The following TIAM1 variants were observed in gnomAD, a reference collection of about 807,000 sequenced individuals.
TIAM1 encodes the protein TIAM Rac1 associated GEF 1, also known as rho guanine nucleotide exchange factor TIAM1.
TIAM1 carries 65 observed loss-of-function variants against 163.5 expected under a neutral mutation model. The ratio of observed to expected loss-of-function variants is 0.40; its 90% confidence interval spans 0.33 to 0.49. The LOEUF is 0.49. Among genes scored for constraint, TIAM1 ranks in the 20% least tolerant of loss-of-function variants. The pLI is 0.77. For missense variants in TIAM1, 1,789 were observed against 2,044.7 expected, an observed-to-expected ratio of 0.87 and a Z score of 2.41; for synonymous variants, 833 against 810.1, an observed-to-expected ratio of 1.03 and a Z score of -0.48.
chr21:31,472,229 A>T (rs4816397), intron 1 of TIAM1, among the ~76,000 whole-genome samples: 11 of 152,208 alleles, frequency 7.2e-5, no homozygotes, highest in Non-Finnish European at 1.3e-4. Context: ...AAACAAAGTT[A>T]TCAGAATAGT....
At chr21:31,415,364 C>A (rs2043335571) in intron 2 of TIAM1, among the ~76,000 whole-genome samples, 1 of 152,216 alleles carries the variant, frequency 6.6e-6, no homozygotes, top group Non-Finnish European at 1.5e-5. Context: ...TCTAAGCAAA[C>A]CCATTGAGTT....
intron 1 of TIAM1, among the ~76,000 whole-genome samples, chr21:31,470,638 C>G (rs1257505175): frequency 4.6e-5 from 7 of 152,190 alleles, no homozygotes; most frequent in Non-Finnish European, 1.0e-4. Flanking sequence ...TGGCTAAAAC[C>G]TCGAATTTTC....
rs188288490 is a variant in TIAM1, at chr21:31,395,217, A to G, written c.-368-55795T>C. On this transcript the variant is annotated intron_variant, in intron 2 of 28. Coordinates refer to the TIAM1 transcript ENST00000286827. The surrounding 1 kb of genome is among the most constrained non-coding windows in gnomAD (Gnocchi z 7.5). ...CGCGCCACCACACTCCAGCCTGGGC[A>G]ACAGAGTGAGACTCTGTCTCAAAAA... is the stretch of plus-strand genomic sequence containing the variant. Among the ~76,000 whole-genome samples the G allele has an allele frequency of 9.1e-3, 1,363 of 149,962 alleles. 20 individuals carry two copies. The highest frequency in any genetic ancestry group is 0.03 in the African/African-American group (1,251 of 41,074).
At chr21:31,475,117 T>A (rs951645038) in intron 1 of TIAM1, among the ~76,000 whole-genome samples, 1 of 151,600 alleles carries the variant, frequency 6.6e-6, no homozygotes, top group African/African-American at 2.4e-5. Flanking sequence ...AGTGGTTTGA[T>A]CACAGCTCAC....
intron 1 of TIAM1, among the ~76,000 whole-genome samples, chr21:31,487,973 C>T (rs1005458961): frequency 2.0e-5 from 3 of 151,844 alleles, no homozygotes; most frequent in East Asian, 1.9e-4. Flanking sequence ...ATTACAGGCA[C>T]GAGCCACTGC....
intron 2 of TIAM1, among the ~76,000 whole-genome samples, chr21:31,383,239 CA>C (rs964142647): frequency 5.5e-5 from 8 of 145,626 alleles, no homozygotes; most frequent in East Asian, 2.0e-4. Context: ...GACTCCCTCT[CA>C]AAAAAAAAAG....
chr21:31,183,946 TTTTA>T (rs1350037624), intron 14 of TIAM1, among the ~76,000 whole-genome samples: 1 of 148,348 alleles, frequency 6.7e-6, no homozygotes, highest in Non-Finnish European at 1.5e-5. Context: ...TTTTTAAAAT[TTTTA>T]TTTATTTATT....
intron 2 of TIAM1, among the ~76,000 whole-genome samples, chr21:31,446,341 A>G (rs958436888): frequency 3.3e-5 from 5 of 152,222 alleles, no homozygotes; most frequent in Non-Finnish European, 5.9e-5. Flanking sequence ...TAGGTATGTA[A>G]GTCCTGGCTA....
chr21:31,545,585 A>G (rs2076221063), intron 1 of TIAM1, among the ~76,000 whole-genome samples: 1 of 152,144 alleles, frequency 6.6e-6, no homozygotes, highest in Admixed American at 6.6e-5. Context: ...TGGATATAAG[A>G]CTAGTGTCTA....
At chr21:31,203,604 GCTCT>G (rs1211888682) in intron 11 of TIAM1, among the ~76,000 whole-genome samples, 6 of 152,210 alleles carry the variant, frequency 3.9e-5, no homozygotes, top group African/African-American at 9.7e-5. Flanking sequence ...GATTCATTGT[GCTCT>G]CTAACACTGG....
At chr21:31,185,540 C>A (rs2085254188) in intron 14 of TIAM1, among the ~76,000 whole-genome samples, 1 of 135,142 alleles carries the variant, frequency 7.4e-6, no homozygotes, top group African/African-American at 2.8e-5. Flanking sequence ...TATATTATGC[C>A]ATTATATATT....
At chr21:31,269,254 G>T (rs1174505324) in intron 3 of TIAM1, among the ~76,000 whole-genome samples, 2 of 152,218 alleles carry the variant, frequency 1.3e-5, no homozygotes, top group African/African-American at 4.8e-5. Context: ...ACGCTGATGG[G>T]TCTGTTATAT....
rs186091712 is a variant in TIAM1 at position 31,295,723 on chromosome 21, T to C, written c.-188-18815A>G. Among the ~76,000 whole-genome samples the C allele has an allele frequency of 8.5e-5, 13 of 152,228 alleles. No homozygotes were observed. In the East Asian group the frequency reaches 1.4e-3, roughly 16 times the overall value. On this transcript the variant is annotated intron_variant, in intron 2 of 27. Coordinates refer to ENST00000541036, the MANE Select transcript of TIAM1 (RefSeq NM_001353694.2). Reference sequence around the variant, plus strand: ...AGAGCTGAGAGTCTCTACAATTCAATAGATGCCCTTAACAGGACAAAGGTA... The same window carrying C: ...AGAGCTGAGAGTCTCTACAATTCAACAGATGCCCTTAACAGGACAAAGGTA...
chr21:31,370,252 G>A (rs1398876966), intron 2 of TIAM1, among the ~76,000 whole-genome samples: 1 of 152,190 alleles, frequency 6.6e-6, no homozygotes, highest in Non-Finnish European at 1.5e-5. Context: ...AAAAAGATGA[G>A]CTGTTAAAAA....
intron 19 of TIAM1, 22 bp downstream of exon 19, chr21:31,152,614 G>A: frequency 6.2e-7 from 1 of 1,613,344 alleles, no homozygotes; most frequent in South Asian, 1.1e-5. Flanking sequence ...CCTGACGCTG[G>A]AGGCAGCTTT....
At chr21:31,207,702 A>G (rs1284042673) in intron 11 of TIAM1, among the ~76,000 whole-genome samples, 2 of 152,170 alleles carry the variant, frequency 1.3e-5, no homozygotes, top group East Asian at 1.9e-4. Flanking sequence ...AAGACCATCA[A>G]TTTCTGAAAT....
intron 22 of TIAM1, among the ~76,000 whole-genome samples, chr21:31,139,110 C>T (rs2082733822): frequency 6.6e-6 from 1 of 152,204 alleles, no homozygotes; most frequent in Non-Finnish European, 1.5e-5. Context: ...AAAGGACTTC[C>T]AGGTTCACTG....
chr21:31,340,869 G>GA (rs61413047), intron 1 of TIAM1, among the ~76,000 whole-genome samples: 2,222 of 143,224 alleles, frequency 0.016, 20 homozygotes, highest in South Asian at 0.032. Flanking sequence ...AAACTGAGAG[G>GA]AAAAAAAAAA....
At chr21:31,556,834 G>A (rs1208044893) in intron 1 of TIAM1, among the ~76,000 whole-genome samples, 1 of 152,098 alleles carries the variant, frequency 6.6e-6, no homozygotes, top group Non-Finnish European at 1.5e-5. Flanking sequence ...TGTTTACCAC[G>A]CAAAGGCATC....
Sources: allele counts gnomAD v4.1 joint callset (sites outside exome capture counted in the v4.1 genomes callset), GRCh38; gene constraint gnomAD v4.1.1; non-coding constraint Gnocchi (gnomAD v3.1); transcripts MANE v1.5; gene names NCBI Gene and HGNC (gene_info 2026-07-23, HGNC 2026-07-21).